The following CFAP95 variants were observed in gnomAD, a reference collection of about 807,000 sequenced individuals.
CFAP95 encodes the protein cilia- and flagella-associated protein 95.
the CFAP95 span, among the ~76,000 whole-genome samples, chr9:69,885,483 C>T: frequency 8.5e-5 from 13 of 152,296 alleles, no homozygotes; most frequent in Middle Eastern, 3.4e-3. Flanking sequence ...CTCTCTGCCT[C>T]CTGTGAATCT....
chr9:69,829,962 G>C, the CFAP95 span, among the ~76,000 whole-genome samples: 1 of 152,204 alleles, frequency 6.6e-6, no homozygotes, highest in Non-Finnish European at 1.5e-5. Context: ...TAAGAAAACA[G>C]AATGAATTAA....
chr9:69,877,194 C>G, the CFAP95 span, among the ~76,000 whole-genome samples: 1 of 152,150 alleles, frequency 6.6e-6, no homozygotes, highest in South Asian at 2.1e-4. Context: ...CTCACTCTTT[C>G]CTCACTAACT....
At chr9:69,886,942 G>A in the CFAP95 span, 2 of 1,451,544 alleles carry the variant, frequency 1.4e-6, no homozygotes, top group Non-Finnish European at 1.9e-6. Flanking sequence ...TACTTGAAAT[G>A]ATTATTTGCA....
chr9:69,891,999 T>C, the CFAP95 span, among the ~76,000 whole-genome samples: 1 of 152,244 alleles, frequency 6.6e-6, no homozygotes, highest in Non-Finnish European at 1.5e-5. Flanking sequence ...GATATTATAT[T>C]ATCAGCATCA....
chr9:69,863,730 T>A, the CFAP95 span, among the ~76,000 whole-genome samples: 1 of 152,100 alleles, frequency 6.6e-6, no homozygotes, highest in African/African-American at 2.4e-5. Context: ...CAACCAGAAC[T>A]GTATCAAGCA....
chr9:69,838,016 A>G, the CFAP95 span, among the ~76,000 whole-genome samples: 1 of 152,148 alleles, frequency 6.6e-6, no homozygotes, highest in Admixed American at 6.5e-5. Flanking sequence ...TGTTTTTCTC[A>G]GGTTTGTTAA....
the CFAP95 span, among the ~76,000 whole-genome samples, chr9:69,829,599 G>A: frequency 6.6e-6 from 1 of 152,170 alleles, no homozygotes; most frequent in Admixed American, 6.5e-5. Context: ...AGCCATTAGA[G>A]TCCTCTCCTT....
At chr9:69,832,043 G>A in the CFAP95 span, among the ~76,000 whole-genome samples, 1 of 152,122 alleles carries the variant, frequency 6.6e-6, no homozygotes, top group Non-Finnish European at 1.5e-5. Flanking sequence ...GTTTGCATAT[G>A]GCCATTTATA....
At chr9:69,898,592 A>G in the CFAP95 span, among the ~76,000 whole-genome samples, 2 of 152,216 alleles carry the variant, frequency 1.3e-5, no homozygotes, top group African/African-American at 4.8e-5. Flanking sequence ...TTCAATGTGT[A>G]TCTCCTAAAA....
the CFAP95 span, among the ~76,000 whole-genome samples, chr9:69,836,689 C>CT: frequency 0.62 from 78,656 of 126,702 alleles, 24,069 homozygotes; most frequent in East Asian, 0.83. Context: ...GCTTCAATTT[C>CT]TTTTTTTTTT....
the CFAP95 span, among the ~76,000 whole-genome samples, chr9:69,846,986 A>T: frequency 9.0e-3 from 1,365 of 152,246 alleles, 29 homozygotes; most frequent in South Asian, 0.083. Context: ...TTTCAAGGGA[A>T]CCACTCAGAG....
the CFAP95 span, chr9:69,844,614 G>C: frequency 6.2e-7 from 1 of 1,609,570 alleles, no homozygotes; most frequent in Non-Finnish European, 8.5e-7. Context: ...ACTGGGAACC[G>C]ATGAATCCCC....
At chr9:69,869,517 T>G in the CFAP95 span, among the ~76,000 whole-genome samples, 8 of 152,264 alleles carry the variant, frequency 5.3e-5, no homozygotes, top group East Asian at 1.6e-3. Flanking sequence ...GAATAAGCGC[T>G]AGAGATCTAA....
chr9:69,893,682 A>C, the CFAP95 span, among the ~76,000 whole-genome samples: 28 of 152,352 alleles, frequency 1.8e-4, no homozygotes, highest in African/African-American at 6.7e-4. Flanking sequence ...AAAATGAAGT[A>C]TAAAAGCCTT....
the CFAP95 span, among the ~76,000 whole-genome samples, chr9:69,881,923 C>T: frequency 5.3e-5 from 8 of 150,512 alleles, no homozygotes; most frequent in South Asian, 2.1e-4. Context: ...TTGTGGCTAT[C>T]GTAAATGGGA....
At chr9:69,855,517 A>G in the CFAP95 span, among the ~76,000 whole-genome samples, 1 of 152,218 alleles carries the variant, frequency 6.6e-6, no homozygotes, top group Non-Finnish European at 1.5e-5. Flanking sequence ...AAACCTGAAC[A>G]TCTAAGAAGA....
At chr9:69,836,297 A>C in the CFAP95 span, among the ~76,000 whole-genome samples, 73 of 151,638 alleles carry the variant, frequency 4.8e-4, no homozygotes, top group Non-Finnish European at 8.0e-4. Context: ...GGGCTTTCTC[A>C]ACCTTGGTAC....
chr9:69,843,306 G>A, the CFAP95 span, among the ~76,000 whole-genome samples: 2 of 152,012 alleles, frequency 1.3e-5, no homozygotes, highest in Admixed American at 6.6e-5. Flanking sequence ...TTAAAGCAAA[G>A]TAACTTCTGA....
chr9:69,897,588 A>AT, the CFAP95 span, among the ~76,000 whole-genome samples: 8 of 152,212 alleles, frequency 5.3e-5, no homozygotes, highest in Non-Finnish European at 1.0e-4. Flanking sequence ...GAATGAGTAG[A>AT]ACCAAGGAAT....
Sources: gnomAD v4.1 joint callset for allele counts (sites outside exome capture counted in the v4.1 genomes callset) on GRCh38, gnomAD v4.1.1 for gene constraint, MANE v1.5 for transcripts, NCBI Gene and HGNC (gene_info 2026-07-23, HGNC 2026-07-21) for gene names.